ELMOD3: variants seen among roughly 807,000 people sequenced by gnomAD.
ELMOD3 encodes ELMO domain-containing protein 3.
ELMOD3 carries 36 observed loss-of-function variants against 47.4 expected under a neutral mutation model. The observed-to-expected ratio is 0.76, with a 90% confidence interval of 0.58 to 1.00. ELMOD3 has a LOEUF of 1.00. ELMOD3 is among the 50% of genes least tolerant of loss of function. The pLI is 0.00. For missense variants in ELMOD3, 404 were observed against 463.8 expected (o/e 0.87, Z 1.18); for synonymous variants, 149 against 183.5 (o/e 0.81, Z 1.52).
chr2:85,386,186 C>T (rs1025771251), intron 11 of ELMOD3, among the ~76,000 whole-genome samples: 2 of 152,090 alleles, frequency 1.3e-5, no homozygotes, highest in Admixed American at 1.3e-4. Flanking sequence ...TAAGCCCAAA[C>T]GTGAGGCATG....
chr2:85,389,652 T>C, intron 11 of ELMOD3, 99 bp from the exon 12 acceptor site: 4 of 895,688 alleles, frequency 4.5e-6, no homozygotes, highest in South Asian at 1.4e-5. Context: ...AGCTGTTGCC[T>C]CTGGGGCTGT....
In ELMOD3 at chr2:85,389,746, T is replaced by A. The variant is rs1455049126; in HGVS notation, c.739-5T>A. On this transcript the variant is annotated splice_polypyrimidine_tract_variant and splice_region_variant and intron_variant, in intron 11 of 13. Coordinates refer to ENST00000409013, the MANE Select transcript of ELMOD3 (RefSeq NM_001135022.2). ...TGCTGCTGACTGGGTGCCCCTCCATTCCAGCAATTCCCTTTCTGTTTGATG... is the reference window on the plus strand; with the variant it reads ...TGCTGCTGACTGGGTGCCCCTCCATACCAGCAATTCCCTTTCTGTTTGATG... 5 of 1,613,804 alleles carry A rather than the reference T, an allele frequency of 3.1e-6. No homozygotes were observed. The highest frequency in any genetic ancestry group is 1.6e-4 in the Middle Eastern group (1 of 6,082).
intron 7 of ELMOD3, among the ~76,000 whole-genome samples, chr2:85,368,981 C>A (rs546384429): frequency 6.6e-6 from 1 of 152,338 alleles, no homozygotes; most frequent in East Asian, 1.9e-4. Context: ...GGGCTGCCAT[C>A]CCTGTCCATC....
intron 7 of ELMOD3, among the ~76,000 whole-genome samples, chr2:85,369,261 T>C (rs1007886685): frequency 1.3e-5 from 2 of 152,234 alleles, no homozygotes; most frequent in African/African-American, 4.8e-5. Flanking sequence ...CTTCAGCTCC[T>C]TGGGCCCAGT....
Position 85,377,348 on chromosome 2 carries a change from G to C in ELMOD3, c.612G>C (p.Ala204=), listed in dbSNP as rs202233755. ...NHWEDLGFQG[A]NPATDLRGAG... ...TCCTCACGGTCTCTGTTACAGGAGC[G>C]AATCCAGCCACAGACCTGAGAGGCG... The change falls in exon 11 of 14, where the codon GCG becomes GCC. Residue 204 remains alanine (A), a synonymous_variant. Coordinates refer to ENST00000409013, the MANE Select transcript of ELMOD3 (RefSeq NM_001135022.2). The C allele has an allele frequency of 5.3e-5, 85 of 1,597,158 alleles. No homozygotes were observed. The East Asian group carries it at 1.1e-3, about 21-fold the overall frequency.
chr2:85,357,108 C>T lies in ELMOD3; in HGVS notation c.-91C>T. On this transcript the variant is annotated 5_prime_UTR_variant, in exon 4 of 14. Coordinates refer to ENST00000409013, the MANE Select transcript of ELMOD3 (RefSeq NM_001135022.2). ...AGGCAAAGGTAGAGCAACTGGATCT[C>T]TGGCTCTCCACATAGCTTCTGATCT... is the stretch of plus-strand genomic sequence containing the variant. 2 of 855,410 alleles carry T rather than the reference C, an allele frequency of 2.3e-6. No individual in the cohort carries two copies. Among genetic ancestry groups the T allele is most frequent in the Non-Finnish European group, 3.8e-6 (2 of 532,538 alleles). 53.0% of individuals were successfully genotyped at this position (855,410 alleles called of 1,614,324 possible). A position where few individuals can be genotyped will look rare whatever the true frequency, so the allele number is the denominator to read the frequency against.
chr2:85,381,367 TC>T (rs1003533195), intron 11 of ELMOD3, among the ~76,000 whole-genome samples: 165 of 152,342 alleles, frequency 1.1e-3, no homozygotes, highest in African/African-American at 3.7e-3. Flanking sequence ...AAATCTCCAT[TC>T]CTTGAGAGCG....
At chr2:85,358,778 A>AAG (rs944776629) in intron 4 of ELMOD3, among the ~76,000 whole-genome samples, 1 of 152,020 alleles carries the variant, frequency 6.6e-6, no homozygotes, top group Non-Finnish European at 1.5e-5. Context: ...AAAATGCAAA[A>AAG]AGTACAGAAC....
In ELMOD3 at chr2:85,369,732, G is replaced by C. The variant is rs760840170; in HGVS notation, c.269-7G>C. 3.7e-5 allele frequency: 60 copies of C among 1,612,416 alleles called. No individual in the cohort carries two copies. The highest frequency in any genetic ancestry group is 5.1e-5 in the Non-Finnish European group (60 of 1,179,396). On this transcript the variant is annotated splice_region_variant and splice_polypyrimidine_tract_variant and intron_variant, in intron 7 of 13. Coordinates refer to ENST00000409013, the MANE Select transcript of ELMOD3 (RefSeq NM_001135022.2). ...TAAATCCTGGCATGTCTTCCGTTTTGCCACAGGGAGCCAAGCTAGCTCAGA... is the reference window on the plus strand; with the variant it reads ...TAAATCCTGGCATGTCTTCCGTTTTCCCACAGGGAGCCAAGCTAGCTCAGA...
intron 4 of ELMOD3, among the ~76,000 whole-genome samples, chr2:85,360,431 G>A (rs1168706126): frequency 6.6e-6 from 1 of 150,654 alleles, no homozygotes; most frequent in Non-Finnish European, 1.5e-5. Flanking sequence ...TCAGCTCGCT[G>A]CAACTTCCAC....
At chr2:85,360,515 G>A (rs1301294493) in intron 4 of ELMOD3, among the ~76,000 whole-genome samples, 2 of 151,890 alleles carry the variant, frequency 1.3e-5, no homozygotes, top group South Asian at 2.1e-4. Flanking sequence ...CACTACATCC[G>A]GCTAATTTTT....
At chr2:85,387,139 A>G (rs1218571755) in intron 11 of ELMOD3, 1 of 1,300,030 alleles carries the variant, frequency 7.7e-7, no homozygotes. Context: ...ATGCAAGTAT[A>G]TATGATCATT....
At chr2:85,366,249 G>C (rs1684380406) in intron 6 of ELMOD3, among the ~76,000 whole-genome samples, 1 of 151,914 alleles carries the variant, frequency 6.6e-6, no homozygotes, top group African/African-American at 2.4e-5. Context: ...GAGATTATAG[G>C]CGTGAGCCAC....
intron 4 of ELMOD3, among the ~76,000 whole-genome samples, chr2:85,358,671 A>G (rs538302135): frequency 6.6e-6 from 1 of 152,044 alleles, no homozygotes; most frequent in African/African-American, 2.4e-5. Flanking sequence ...GTGTTTAATG[A>G]GCATTAGTTG....
Position 85,376,631 on chromosome 2 carries a change from G to A in ELMOD3, c.608-713G>A, listed in dbSNP as rs1685184555. On this transcript the variant is annotated intron_variant, in intron 10 of 13. Transcript: ENST00000409013. The surrounding 1 kb of genome is among the most constrained non-coding windows in gnomAD (Gnocchi z 4.2). ...GCCTTGATACAGTTAGGCCAGGATG[G>A]AAGTCTAGGGTCCCTGCTCAGCCTT... Among the ~76,000 whole-genome samples the A allele has an allele frequency of 6.6e-6, 1 of 152,186 alleles. No homozygotes were observed. Among genetic ancestry groups the A allele is most frequent in the Non-Finnish European group, 1.5e-5 (1 of 68,022 alleles).
chr2:85,370,552 T>A (rs1460316946), intron 8 of ELMOD3, among the ~76,000 whole-genome samples: 1 of 152,128 alleles, frequency 6.6e-6, no homozygotes, highest in African/African-American at 2.4e-5. Context: ...AACCAAGTTG[T>A]TTTATAGGAC....
Position 85,357,063 on chromosome 2 carries a change from G to A in ELMOD3, c.-136G>A. 1 of 621,026 alleles carries A rather than the reference G, an allele frequency of 1.6e-6. No homozygotes were observed. Among genetic ancestry groups the A allele is most frequent in the East Asian group, 2.9e-5 (1 of 34,358 alleles). The allele number at this position is 621,026 out of a possible 1,614,324, so 38.5% of individuals were successfully genotyped here. ...CAAAGGGACTGTTTTCTTACTCTTA[G>A]TCTGAGTGACTGCCAAGGAAGGCAA... On this transcript the variant is annotated 5_prime_UTR_variant, in exon 4 of 14. Coordinates refer to ENST00000409013, the MANE Select transcript of ELMOD3 (RefSeq NM_001135022.2).
chr2:85,377,998 A>G (rs1685293174), intron 11 of ELMOD3, among the ~76,000 whole-genome samples: 1 of 152,232 alleles, frequency 6.6e-6, no homozygotes, highest in African/African-American at 2.4e-5. Context: ...AGGAAGGAAG[A>G]AATAACTTGT....
intron 11 of ELMOD3, among the ~76,000 whole-genome samples, chr2:85,389,244 C>T (rs952378304): frequency 6.6e-6 from 1 of 152,224 alleles, no homozygotes; most frequent in Non-Finnish European, 1.5e-5. Flanking sequence ...GTCAGGATGA[C>T]CTTCTACCCA....
Sources: gnomAD v4.1 joint callset for allele counts (sites outside exome capture counted in the v4.1 genomes callset) on GRCh38, gnomAD v4.1.1 for gene constraint, Gnocchi (gnomAD v3.1) non-coding constraint, MANE v1.5 for transcripts, NCBI Gene and HGNC (gene_info 2026-07-23, HGNC 2026-07-21) for gene names.